AXIN2: variants seen among roughly 807,000 people sequenced by gnomAD.
AXIN2 encodes the protein axin 2, also known as axin-2.
Under a neutral mutation model 74.7 loss-of-function variants are expected in AXIN2, and 21 were observed. The observed-to-expected ratio is 0.28, with a 90% CI of 0.20 to 0.40. The LOEUF is 0.40. Ranked by LOEUF, AXIN2 falls within the 10% of genes least tolerant of loss-of-function variation. The pLI, the probability that AXIN2 is intolerant of heterozygous loss-of-function variation, is 1.00. For synonymous variants in AXIN2, 532 were observed against 454.9 expected (o/e 1.17, Z -2.16); for missense variants, 1,144 against 1,111.1 (o/e 1.03, Z -0.42).
chr17:65,540,311 T>C (rs1255271206), intron 4 of AXIN2, among the ~76,000 whole-genome samples: 1 of 152,166 alleles, frequency 6.6e-6, no homozygotes, highest in Non-Finnish European at 1.5e-5. Flanking sequence ...ACCTATTATG[T>C]GTCAGGTACT....
intron 2 of AXIN2, among the ~76,000 whole-genome samples, chr17:65,553,193 C>G (rs754040535): frequency 1.1e-4 from 16 of 152,212 alleles, no homozygotes; most frequent in Admixed American, 3.3e-4. Context: ...AGGGACAGCC[C>G]TGTCCTCACA....
chr17:65,554,381 G>C (rs2044237743), intron 2 of AXIN2, among the ~76,000 whole-genome samples: 1 of 152,212 alleles, frequency 6.6e-6, no homozygotes, highest in African/African-American at 2.4e-5. Context: ...CTGCCCAAAA[G>C]GCAATACCCT....
chr17:65,538,035 A>AT, intron 5 of AXIN2, 168 bp downstream of exon 5: 1 of 1,372,148 alleles, frequency 7.3e-7, no homozygotes, highest in Non-Finnish European at 1.0e-6. Flanking sequence ...CAACCCATGC[A>AT]CATGCGCACA....
At position 65,529,179 on chromosome 17, in the gene AXIN2, T is replaced by C. The variant is rs888715465; in HGVS notation, c.*797A>G. ...GGGCCCTGGGCCTGGGGAGGCTACA[T>C]GAGGGGGAGCCTCAGTCACAGGATC... On this transcript the variant is annotated 3_prime_UTR_variant, in exon 11 of 11. Transcript: ENST00000307078. 4 of 234,206 alleles carry C rather than the reference T, an allele frequency of 1.7e-5. No individual in the cohort carries two copies. The highest frequency in any genetic ancestry group is 2.5e-5 in the Non-Finnish European group (3 of 118,848). 14.5% of individuals were successfully genotyped at this position (234,206 alleles called of 1,614,324 possible).
chr17:65,543,568 C>A (rs1270620221), intron 3 of AXIN2, among the ~76,000 whole-genome samples: 1 of 152,152 alleles, frequency 6.6e-6, no homozygotes, highest in Admixed American at 6.5e-5. Flanking sequence ...TACAGATGAC[C>A]AGAAATGCTC....
chr17:65,543,365 C>CT (rs1314497672), intron 3 of AXIN2, among the ~76,000 whole-genome samples: 2 of 152,206 alleles, frequency 1.3e-5, no homozygotes, highest in African/African-American at 2.4e-5. Context: ...TATCAAAACT[C>CT]TGTGTCTTCA....
At chr17:65,538,109 T>C (rs560290257) in intron 5 of AXIN2, 94 bp downstream of exon 5, 1 of 1,593,458 alleles carries the variant, frequency 6.3e-7, no homozygotes, top group Non-Finnish European at 8.5e-7. Flanking sequence ...CCCACGCACA[T>C]GCGCACACCC....
At chr17:65,531,816 G>A (rs750677576) in intron 10 of AXIN2, among the ~76,000 whole-genome samples, 3 of 152,120 alleles carry the variant, frequency 2.0e-5, no homozygotes, top group Non-Finnish European at 4.4e-5. Context: ...CGTCTGGCGC[G>A]TCTGAAGGGA....
At chr17:65,555,726 G>C (rs1598116724) in intron 2 of AXIN2, among the ~76,000 whole-genome samples, 4 of 152,148 alleles carry the variant, frequency 2.6e-5, no homozygotes, top group African/African-American at 9.7e-5. Context: ...GTAAGTGGTG[G>C]ACCGGGCTGG....
chr17:65,555,310 A>G (rs1411657037), intron 2 of AXIN2, among the ~76,000 whole-genome samples: 1 of 152,090 alleles, frequency 6.6e-6, no homozygotes, highest in African/African-American at 2.4e-5. Flanking sequence ...GATGCCAGGT[A>G]CTCTGCAGAA....
intron 7 of AXIN2, 21 bp downstream of exon 7, chr17:65,536,848 G>A (rs750777716): frequency 1.2e-6 from 2 of 1,612,372 alleles, no homozygotes; most frequent in Non-Finnish European, 8.5e-7. Flanking sequence ...CGCGGCCGCG[G>A]CGGCGGCAAG....
At chr17:65,541,599 T>G in intron 3 of AXIN2, 42 bp from the exon 4 acceptor site, 3 of 1,538,436 alleles carry the variant, frequency 2.0e-6, no homozygotes, top group Non-Finnish European at 2.7e-6. Context: ...CTTACGAGGA[T>G]GTTTTCAGCA....
rs1060504491 is a variant in AXIN2, at chr17:65,558,516, C to A, written c.105G>T (p.Pro35=). 1.2e-6 allele frequency: 2 copies of A among 1,613,666 alleles called. No homozygotes were observed. Among genetic ancestry groups the A allele is most frequent in the Non-Finnish European group, 1.7e-6 (2 of 1,179,790 alleles). ...GGCCCTTGCCCACCCCTGGCTGACA[C>A]GGTGGGGTCTCCCCTTCTTCCCCTG... is the stretch of plus-strand genomic sequence containing the variant. ...PVPGEEGETP[P]CQPGVGKGQV... Residue 35 remains proline (P), a synonymous_variant, in exon 2 of 11, where the codon CCG becomes CCT. Transcript: ENST00000307078.
intron 4 of AXIN2, 75 bp from the exon 5 acceptor site, chr17:65,538,418 C>G: frequency 6.3e-7 from 1 of 1,591,948 alleles, no homozygotes; most frequent in Non-Finnish European, 8.6e-7. Flanking sequence ...CGGAGCTTCC[C>G]GCACCAGGCG....
chr17:65,546,918 G>C (rs546908002), intron 3 of AXIN2, among the ~76,000 whole-genome samples: 161 of 152,178 alleles, frequency 1.1e-3, no homozygotes, highest in Non-Finnish European at 2.0e-3. Context: ...GCCCCAAAGA[G>C]AAAGCCGCTA....
chr17:65,541,494 A>G lies in AXIN2; in HGVS notation c.1020T>C (p.Ser340=), dbSNP rs768986730. Residue 340 remains serine (S), a synonymous_variant, in exon 4 of 11, where the codon AGT becomes AGC. Transcript: ENST00000307078. ...GAGACACTTGGCCATTGGCCTTCACACTGCGATGCATTTCTCTCTGGAGCT... is the reference window on the plus strand; with the variant it reads ...GAGACACTTGGCCATTGGCCTTCACGCTGCGATGCATTTCTCTCTGGAGCT... ...KKQLQREMHR[S]VKANGQVSLP... is the part of the protein sequence containing the mutation. The G allele has an allele frequency of 1.9e-6, 3 of 1,614,030 alleles. No homozygotes were observed. Among genetic ancestry groups the G allele is most frequent in the African/African-American group, 1.3e-5 (1 of 74,910 alleles).
intron 3 of AXIN2, among the ~76,000 whole-genome samples, chr17:65,547,345 C>T (rs1469277750): frequency 6.6e-6 from 1 of 152,192 alleles, no homozygotes; most frequent in East Asian, 1.9e-4. Flanking sequence ...AACGCTCATG[C>T]CTGGGGGAAG....
rs370618491 is a variant in AXIN2, at chr17:65,536,950, G to A, written c.1826C>T (p.Pro609Leu). ...CTGCGACCTGTCTCCTTCCTCCCGG[G>A]GAAGCTGCAGGGCCCCAGCTCCGCC... ...APGGAGALQL[P>L]REEGDRSQDV... The change falls in exon 7 of 11, where the codon CCC (proline) becomes CTC (leucine). Residue 609 changes from proline to leucine, a missense_variant. Transcript: ENST00000307078. 3.0e-5 allele frequency: 49 copies of A among 1,613,356 alleles called. No individual in the cohort carries two copies. Among genetic ancestry groups the A allele is most frequent in the Middle Eastern group, 3.5e-4 (2 of 5,674 alleles).
intron 9 of AXIN2, among the ~76,000 whole-genome samples, chr17:65,535,007 G>C (rs2043884301): frequency 6.6e-6 from 1 of 152,150 alleles, no homozygotes; most frequent in South Asian, 2.1e-4. Context: ...ACAATGAAAG[G>C]GTCCAGGGCA....
Sources: allele counts gnomAD v4.1 joint callset (sites outside exome capture counted in the v4.1 genomes callset), GRCh38; gene constraint gnomAD v4.1.1; transcripts MANE v1.5; gene names NCBI Gene and HGNC (gene_info 2026-07-23, HGNC 2026-07-21).